ADAT1: variants seen among roughly 807,000 people sequenced by gnomAD.
ADAT1 encodes tRNA-specific adenosine deaminase 1.
In ADAT1, 58 loss-of-function variants were observed where a neutral mutation model predicts 58.6. The ratio of observed to expected loss-of-function variants is 0.99; its 90% CI spans 0.80 to 1.23. ADAT1 has a LOEUF of 1.23. Among genes scored for constraint, ADAT1 ranks in the 50% most tolerant of loss-of-function variants. The probability of loss-of-function intolerance (pLI) is 0.00; values close to 1 mark genes in which losing one functional copy is unlikely to be tolerated. For missense variants in ADAT1, 741 were observed against 608.6 expected (o/e 1.22, Z -2.29); for synonymous variants, 254 against 220.8 (o/e 1.15, Z -1.33).
intron 6 of ADAT1, among the ~76,000 whole-genome samples, chr16:75,611,057 T>C (rs2151761524): frequency 6.6e-6 from 1 of 152,290 alleles, no homozygotes; most frequent in African/African-American, 2.4e-5. Context: ...GAGGCTGTAG[T>C]AAACTATGAT....
At chr16:75,611,667 C>G (rs1056384563) in intron 6 of ADAT1, among the ~76,000 whole-genome samples, 1 of 151,490 alleles carries the variant, frequency 6.6e-6, no homozygotes, top group Non-Finnish European at 1.5e-5. Context: ...CAGTCGTGAG[C>G]CACCATGCCC....
Position 75,612,804 on chromosome 16 carries a change from A to T in ADAT1, c.482T>A (p.Val161Asp). 6.2e-7 allele frequency: 1 copy of T among 1,614,088 alleles called. No individual in the cohort carries two copies. Among genetic ancestry groups the T allele is most frequent in the Non-Finnish European group, 8.5e-7 (1 of 1,180,032 alleles). Residue 161 changes from valine (V) to aspartate (D), a missense_variant, in exon 6 of 10, where the codon GTC becomes GAC. Val to Asp is a radical substitution (Grantham distance 152). Transcript: ENST00000564657. ...LEFEDQPCCPVFRNWAHNSSV... is the reference protein window; with the variant it reads ...LEFEDQPCCPDFRNWAHNSSV... ...TGAGTTGTGGGCCCAATTTCTGAAG[A>T]CAGGACAGCAAGGCTGATCTTCAAA... is the stretch of plus-strand genomic sequence containing the variant.
At chr16:75,610,635 TACC>T (rs1175817740) in intron 6 of ADAT1, among the ~76,000 whole-genome samples, 1 of 152,166 alleles carries the variant, frequency 6.6e-6, no homozygotes, top group Non-Finnish European at 1.5e-5. Context: ...TTTTGGGTTG[TACC>T]TAGGAGTGGA....
In ADAT1 at chr16:75,599,272, G is replaced by A. The variant is rs887595832; in HGVS notation, c.*944C>T. On this transcript the variant is annotated 3_prime_UTR_variant, in exon 10 of 10. Transcript: ENST00000564657. ...AGTTTTTGCATTTTTAGTAGAGACA[G>A]GGTTTCACCAGGTTGGCCAGGCTGG... 2.4e-6 allele frequency: 2 copies of A among 848,502 alleles called. No individual in the cohort carries two copies. The highest frequency in any genetic ancestry group is 2.8e-6 in the Non-Finnish European group (2 of 705,370). 52.6% of individuals were successfully genotyped at this position (848,502 alleles called of 1,614,324 possible). A position where few individuals can be genotyped will look rare whatever the true frequency, so the allele number is the denominator to read the frequency against.
At chr16:75,605,377 C>T (rs2081342269) in intron 8 of ADAT1, among the ~76,000 whole-genome samples, 3 of 152,186 alleles carry the variant, frequency 2.0e-5, no homozygotes, top group Admixed American at 6.6e-5. Context: ...ACGTGAGCCA[C>T]AGCACCTGGC....
chr16:75,606,345 C>T (rs2081372740), intron 8 of ADAT1, among the ~76,000 whole-genome samples: 1 of 152,148 alleles, frequency 6.6e-6, no homozygotes, highest in South Asian at 2.1e-4. Flanking sequence ...GGTATTCATG[C>T]CCCTTAGCAA....
At chr16:75,619,370 T>A (rs996687071) in intron 3 of ADAT1, among the ~76,000 whole-genome samples, 3 of 151,292 alleles carry the variant, frequency 2.0e-5, no homozygotes, top group Admixed American at 1.3e-4. Flanking sequence ...AAAATAAAAA[T>A]GAAAAAAATT....
rs761978892 is a variant in ADAT1 at position 75,612,860 on chromosome 16, A to C, written c.426T>G (p.Cys142Trp). 6.2e-7 allele frequency: 1 copy of C among 1,612,602 alleles called. No individual in the cohort carries two copies. The highest frequency in any genetic ancestry group is 1.3e-5 in the African/African-American group (1 of 74,764). The change falls in exon 6 of 10, where the codon TGT (cysteine) becomes TGG (tryptophan). Residue 142 changes from cysteine to tryptophan, a missense_variant and splice_region_variant. Physicochemically the swap from Cys to Trp is radical, Grantham distance 215. Transcript: ENST00000564657. ...GCATCGGAATGATGGAGGCATCCCC[A>C]CCTGCAGAGAATGAACCCACTTAAA... Reference protein sequence around the residue: ...IFVFFSSHTPCGDASIIPMLE... With the variant: ...IFVFFSSHTPWGDASIIPMLE...
chr16:75,597,679 T>C lies in ADAT1; in HGVS notation c.*2537A>G, dbSNP rs1460012892. On this transcript the variant is annotated 3_prime_UTR_variant, in exon 10 of 10. Transcript: ENST00000564657. ...AGTAGGAGCCCTGAGCTTGTTTTCCTGCAACTAGACAGTCCCATATGGGGG... is the reference window on the plus strand; with the variant it reads ...AGTAGGAGCCCTGAGCTTGTTTTCCCGCAACTAGACAGTCCCATATGGGGG... 6.6e-6 allele frequency among the ~76,000 whole-genome samples: 1 copy of C among 152,188 alleles called. No homozygotes were observed. Among genetic ancestry groups the C allele is most frequent in the East Asian group, 1.9e-4 (1 of 5,202 alleles).
At position 75,608,321 on chromosome 16, in the gene ADAT1, T is replaced by C. The variant is rs150544374; in HGVS notation, c.1192A>G (p.Ile398Val). 12 of 1,611,164 alleles carry C rather than the reference T, an allele frequency of 7.4e-6. No individual in the cohort carries two copies. Among genetic ancestry groups the C allele is most frequent in the Non-Finnish European group, 7.6e-6 (9 of 1,177,418 alleles). Reference protein sequence around the residue: ...PGRLVPCGAAISWSAVPEQPL... With the variant: ...PGRLVPCGAAVSWSAVPEQPL... ...TGCTCAGGAACTGCACTCCAGCTGA[T>C]GGCTATGAAAAGATAAGATTCTAGG... Residue 398 changes from isoleucine (I) to valine (V), a missense_variant and splice_region_variant, in exon 8 of 10, where the codon ATC (isoleucine) becomes GTC (valine). Coordinates refer to ENST00000564657, the MANE Select transcript of ADAT1 (RefSeq NM_001324445.2).
At position 75,606,500 on chromosome 16, in the gene ADAT1, G is replaced by A. The variant is rs528098687; in HGVS notation, c.1289+1724C>T. On this transcript the variant is annotated intron_variant, in intron 8 of 9. Coordinates refer to ENST00000564657, the MANE Select transcript of ADAT1 (RefSeq NM_001324445.2). The stretch of plus-strand genomic sequence containing the variant: ...CCTGTTCTGTGGGGAGCCAGCCACT[G>A]AGTCGTGAAGCTGAATACTCTGGTA... 2.6e-5 allele frequency among the ~76,000 whole-genome samples: 4 copies of A among 152,336 alleles called. No homozygotes were observed. In the South Asian group the frequency reaches 6.2e-4, roughly 24 times the overall value.
intron 6 of ADAT1, among the ~76,000 whole-genome samples, chr16:75,610,522 C>G (rs778234932): frequency 2.6e-5 from 4 of 152,140 alleles, no homozygotes; most frequent in Non-Finnish European, 5.9e-5. Context: ...GTCTTGAACT[C>G]CTGGACTCAA....
intron 6 of ADAT1, 29 bp from the exon 7 acceptor site, chr16:75,609,017 T>G (rs775211418): frequency 3.1e-6 from 5 of 1,613,550 alleles, no homozygotes; most frequent in Non-Finnish European, 4.2e-6. Context: ...GCATTCAGTT[T>G]AGGTGCATGC....
intron 3 of ADAT1, 146 bp downstream of exon 3, chr16:75,620,120 T>TAC: frequency 2.7e-6 from 2 of 735,584 alleles, no homozygotes; most frequent in Non-Finnish European, 4.7e-6. Context: ...TCCAAGTGAG[T>TAC]ACGGTCCTTC....
chr16:75,599,755 TG>T lies in ADAT1; in HGVS notation c.*460del. On this transcript the variant is annotated 3_prime_UTR_variant, in exon 10 of 10. Transcript: ENST00000564657. ...AGTCTGAGGCACAGAGCAGGATCACTGAAGAATGGGAAAAGAATGGCTCCCT... is the reference window on the plus strand; with the variant it reads ...AGTCTGAGGCACAGAGCAGGATCACTAAGAATGGGAAAAGAATGGCTCCCT... 1 of 992,856 alleles carries T rather than the reference TG, an allele frequency of 1.0e-6. No homozygotes were observed. The highest frequency in any genetic ancestry group is 1.2e-6 in the Non-Finnish European group (1 of 834,442). The allele number at this position is 992,856 out of a possible 1,614,324, so 61.5% of individuals were successfully genotyped here.
At chr16:75,609,541 G>T (rs748508579) in intron 6 of ADAT1, among the ~76,000 whole-genome samples, 1 of 152,074 alleles carries the variant, frequency 6.6e-6, no homozygotes, top group Non-Finnish European at 1.5e-5. Flanking sequence ...TAGGGATATA[G>T]TTCACATACC....
At chr16:75,620,550 C>G (rs918184284) in intron 2 of ADAT1, 81 bp downstream of exon 2, 15 of 1,525,428 alleles carry the variant, frequency 9.8e-6, no homozygotes, top group Non-Finnish European at 1.3e-5. Flanking sequence ...ACCCTACCCA[C>G]GACTGTACCC....
intron 8 of ADAT1, among the ~76,000 whole-genome samples, chr16:75,603,719 TA>T (rs35256603): frequency 0.69 from 104,779 of 152,050 alleles, 38,268 homozygotes; most frequent in East Asian, 0.96. Flanking sequence ...GAGTGTTGAC[TA>T]CTTTATAAGC....
At chr16:75,613,073 G>T (rs534627065) in intron 5 of ADAT1, among the ~76,000 whole-genome samples, 46 of 152,252 alleles carry the variant, frequency 3.0e-4, no homozygotes, top group Admixed American at 9.8e-4. Flanking sequence ...GAGAACTACT[G>T]ACTTCATCTA....
Sources: gnomAD v4.1 joint callset for allele counts (sites outside exome capture counted in the v4.1 genomes callset) on GRCh38, gnomAD v4.1.1 for gene constraint, MANE v1.5 for transcripts, NCBI Gene and HGNC (gene_info 2026-07-23, HGNC 2026-07-21) for gene names.